PPP2R3B: variants seen among roughly 807,000 people sequenced by gnomAD.
PPP2R3B encodes serine/threonine-protein phosphatase 2A regulatory subunit B'' subunit beta.
Under a neutral mutation model 72.9 loss-of-function variants are expected in PPP2R3B, and 68 were observed. The ratio of observed to expected loss-of-function variants is 0.93; its 90% CI spans 0.77 to 1.14. The LOEUF (loss-of-function observed/expected upper bound fraction) is 1.14. PPP2R3B is among the 50% of genes most tolerant of loss of function. PPP2R3B has a pLI of 0.00. For synonymous variants in PPP2R3B, 466 were observed against 375.8 expected (o/e 1.24, Z -2.78); for missense variants, 1,018 against 842.0 (o/e 1.21, Z -2.59).
chrX:341,111 GTCCCCCT>G (rs2071059700), intron 9 of PPP2R3B, 171 bp from the exon 10 acceptor site: 1 of 435,370 alleles, frequency 2.3e-6, no homozygotes, highest in African/African-American at 9.6e-5. Flanking sequence ...GCGCGCACGC[GTCCCCCT>G]GTGCCGTGCA....
rs755766212 is a variant in PPP2R3B, at chrX:367,527, C to T, written c.325-5937G>A. ...ATTCTCCTGCCTCAGCCTCCCAAGG[C>T]GCTGGGATCACAGGTGTGAGGCCCC... On this transcript the variant is annotated intron_variant, in intron 1 of 12. Transcript: ENST00000390665. Among the ~76,000 whole-genome samples the T allele has an allele frequency of 5.9e-5, 9 of 152,020 alleles. No homozygotes were observed. The South Asian group carries it at 6.2e-4, about 11-fold the overall frequency.
chrX:384,913 A>G (rs1195416609), intron 1 of PPP2R3B, among the ~76,000 whole-genome samples: 2 of 129,356 alleles, frequency 1.5e-5, no homozygotes, highest in Non-Finnish European at 3.1e-5. Context: ...TGAACCCGGG[A>G]GGCGGAGGTT....
intron 2 of PPP2R3B, among the ~76,000 whole-genome samples, chrX:351,111 A>G (rs1603066856): frequency 1.3e-5 from 2 of 152,026 alleles, no homozygotes; most frequent in Middle Eastern, 3.2e-3. Flanking sequence ...CCTGTGGATG[A>G]CTTGAAGGCA....
At chrX:346,381 C>T in intron 5 of PPP2R3B, 121 bp from the exon 6 acceptor site, 1 of 979,862 alleles carries the variant, frequency 1.0e-6, no homozygotes, top group Non-Finnish European at 1.5e-6. Flanking sequence ...GCCGCCAGGG[C>T]ACAGGCGGGG....
At chrX:338,112 G>A (rs944575572) in intron 12 of PPP2R3B, 28 of 185,194 alleles carry the variant, frequency 1.5e-4, no homozygotes, top group African/African-American at 3.7e-4. Flanking sequence ...CTGGGAAAAA[G>A]GCGAACACGT....
intron 1 of PPP2R3B, among the ~76,000 whole-genome samples, chrX:383,831 C>T (rs1378784240): frequency 5.3e-5 from 5 of 94,430 alleles, no homozygotes; most frequent in African/African-American, 1.7e-4. Context: ...GAGCGAGACT[C>T]CGTCTCAAAA....
At chrX:351,032 A>G (rs2738406) in intron 2 of PPP2R3B, among the ~76,000 whole-genome samples, 132,591 of 152,086 alleles carry the variant, frequency 0.87, 58,012 homozygotes, top group African/African-American at 0.96. Context: ...GGGGGACTGC[A>G]GAGGGGGCTG....
At chrX:361,005 C>T (rs777973920) in intron 2 of PPP2R3B, among the ~76,000 whole-genome samples, 4 of 152,300 alleles carry the variant, frequency 2.6e-5, no homozygotes, top group South Asian at 2.1e-4. Flanking sequence ...CTGGGATGGC[C>T]GCTCCTCGGG....
chrX:363,522 CCGCAGTGCATCTCCCCGAGCCCGCG>C, intron 1 of PPP2R3B, among the ~76,000 whole-genome samples: 1 of 147,824 alleles, frequency 6.8e-6, no homozygotes, highest in Non-Finnish European at 1.5e-5. Context: ...GCCCGCGATC[CCGCAGTGCATCTCCCCGAGCCCGCG>C]ATCCCGCAGT....
chrX:367,008 A>G (rs191263977), intron 1 of PPP2R3B, among the ~76,000 whole-genome samples: 1,875 of 150,536 alleles, frequency 0.012, 21 homozygotes, highest in Middle Eastern at 0.027. Context: ...AGCCTGGGTG[A>G]CAGAGTGAGA....
Position 370,884 on chromosome X carries a change from C to T in PPP2R3B, c.325-9294G>A, listed in dbSNP as rs1018140255. 2.2e-4 allele frequency among the ~76,000 whole-genome samples: 33 copies of T among 152,334 alleles called. 1 individual carries two copies. Among genetic ancestry groups the T allele is most frequent in the Admixed American group, 7.8e-4 (12 of 15,308 alleles). On this transcript the variant is annotated intron_variant, in intron 1 of 12. Coordinates refer to ENST00000390665, the MANE Select transcript of PPP2R3B (RefSeq NM_013239.5). ...AGCGGGGCTGCCGCGTAGGGGACGG[C>T]GCTTTCAGCCATGCGTGGTGCCGTG...
At chrX:359,339 C>CT in intron 2 of PPP2R3B, among the ~76,000 whole-genome samples, 1 of 152,298 alleles carries the variant, frequency 6.6e-6, no homozygotes, top group South Asian at 2.1e-4. Flanking sequence ...CGTGTTAAGT[C>CT]GAGTGAGTCT....
intron 1 of PPP2R3B, among the ~76,000 whole-genome samples, chrX:382,151 C>T (rs963867120): frequency 2.6e-5 from 4 of 151,916 alleles, no homozygotes; most frequent in Admixed American, 2.0e-4. Flanking sequence ...CCGGTCAGAC[C>T]ACTCCAGTCC....
intron 2 of PPP2R3B, among the ~76,000 whole-genome samples, chrX:355,952 G>A (rs1439421134): frequency 6.6e-6 from 1 of 152,146 alleles, no homozygotes; most frequent in African/African-American, 2.4e-5. Context: ...TCATTGAATT[G>A]TACCTTCCAC....
At chrX:359,883 T>G (rs1330563535) in intron 2 of PPP2R3B, 1 of 508,406 alleles carries the variant, frequency 2.0e-6, no homozygotes. Flanking sequence ...GAACCTGGAC[T>G]TACCTGAATG....
At chrX:376,827 C>T (rs1330794441) in intron 1 of PPP2R3B, among the ~76,000 whole-genome samples, 1 of 122,556 alleles carries the variant, frequency 8.2e-6, no homozygotes, top group African/African-American at 3.1e-5. Flanking sequence ...TATACAGGGA[C>T]GGGCCGTCCA....
At chrX:370,069 C>T (rs918881151) in intron 1 of PPP2R3B, among the ~76,000 whole-genome samples, 2 of 152,180 alleles carry the variant, frequency 1.3e-5, no homozygotes, top group African/African-American at 4.8e-5. Context: ...TCTGAGAGGG[C>T]TGGTAGAGGG....
rs1268455435 is a variant in PPP2R3B, at chrX:334,279, A to AT, written c.*87dup. On this transcript the variant is annotated 3_prime_UTR_variant, in exon 13 of 13. Coordinates refer to ENST00000390665, the MANE Select transcript of PPP2R3B (RefSeq NM_013239.5). ...TTTATCATTCCGTACAAACGCACTC[A>AT]TTTTCCACAACAGTTTTTACACGAG... is the stretch of plus-strand genomic sequence containing the variant. 1 of 1,353,364 alleles carries AT rather than the reference A, an allele frequency of 7.4e-7. No individual in the cohort carries two copies. The highest frequency in any genetic ancestry group is 2.8e-5 in the East Asian group (1 of 35,680). The allele number at this position is 1,353,364 out of a possible 1,614,324, so 83.8% of individuals were successfully genotyped here.
At chrX:347,871 A>T in intron 2 of PPP2R3B, 178 bp from the exon 3 acceptor site, 1 of 578,052 alleles carries the variant, frequency 1.7e-6, no homozygotes, top group Non-Finnish European at 3.0e-6. Flanking sequence ...TCCAGCCTTC[A>T]ATCAGTCATG....
Sources: allele counts gnomAD v4.1 joint callset (sites outside exome capture counted in the v4.1 genomes callset), GRCh38; gene constraint gnomAD v4.1.1; transcripts MANE v1.5; gene names NCBI Gene and HGNC (gene_info 2026-07-23, HGNC 2026-07-21).